The following DCC variants were observed in gnomAD, a reference collection of about 807,000 sequenced individuals.
The protein encoded by DCC is netrin receptor DCC.
A neutral mutation model predicts 172.5 loss-of-function variants in DCC; 58 were observed. The observed-to-expected ratio is 0.34, with a 90% CI of 0.27 to 0.42. The LOEUF (loss-of-function observed/expected upper bound fraction) is 0.42. DCC is among the 10% of genes least tolerant of loss of function. The pLI, the probability that DCC is intolerant of heterozygous loss-of-function variation, is 1.00. For missense variants in DCC, 1,740 were observed against 1,791.0 expected, an observed-to-expected ratio of 0.97 and a Z score of 0.51; for synonymous variants, 709 against 644.5, an observed-to-expected ratio of 1.10 and a Z score of -1.52.
intron 3 of DCC, among the ~76,000 whole-genome samples, chr18:52,920,287 G>GA (rs978582444): frequency 1.3e-5 from 2 of 151,590 alleles, no homozygotes; most frequent in East Asian, 1.9e-4. Context: ...CCCACAGATT[G>GA]AAAAAAAATT....
chr18:52,525,007 TG>T (rs999192811), intron 1 of DCC, among the ~76,000 whole-genome samples: 1 of 152,202 alleles, frequency 6.6e-6, no homozygotes, highest in African/African-American at 2.4e-5. Context: ...TCTGAGATTT[TG>T]CTTCTTATCT....
chr18:52,979,875 T>C (rs2041178567), intron 5 of DCC, among the ~76,000 whole-genome samples: 1 of 152,154 alleles, frequency 6.6e-6, no homozygotes, highest in Non-Finnish European at 1.5e-5. Flanking sequence ...AAGTGTACAC[T>C]TTCTCCACCT....
intron 2 of DCC, among the ~76,000 whole-genome samples, chr18:52,766,939 A>T (rs773775870): frequency 9.2e-5 from 14 of 152,152 alleles, no homozygotes; most frequent in Non-Finnish European, 1.6e-4. Flanking sequence ...TGAAAAACAG[A>T]AAATCAGGGT....
At chr18:52,710,933 A>T (rs2036282349) in intron 1 of DCC, among the ~76,000 whole-genome samples, 1 of 152,200 alleles carries the variant, frequency 6.6e-6, no homozygotes, top group African/African-American at 2.4e-5. Context: ...AGGAGACAGG[A>T]TGCTGACTGG....
chr18:52,679,735 T>C lies in DCC; in HGVS notation c.92-72319T>C, dbSNP rs556617260. ...ATTGCTGTAAAGAATCTATAAGTCTTTCTTGGTTATTACCACAAAATTGTG... is the reference window on the plus strand; with the variant it reads ...ATTGCTGTAAAGAATCTATAAGTCTCTCTTGGTTATTACCACAAAATTGTG... On this transcript the variant is annotated intron_variant, in intron 1 of 28. Transcript: ENST00000442544. 7.2e-5 allele frequency among the ~76,000 whole-genome samples: 11 copies of C among 152,224 alleles called. No individual in the cohort carries two copies. In the East Asian group the frequency reaches 1.9e-3, roughly 27 times the overall value.
intron 2 of DCC, among the ~76,000 whole-genome samples, chr18:52,765,680 A>G (rs1178971039): frequency 6.6e-6 from 1 of 152,164 alleles, no homozygotes; most frequent in Non-Finnish European, 1.5e-5. Context: ...GATCTCATAA[A>G]GACACAGACC....
At chr18:53,461,941 G>A (rs1015694920) in intron 24 of DCC, among the ~76,000 whole-genome samples, 1 of 152,182 alleles carries the variant, frequency 6.6e-6, no homozygotes, top group African/African-American at 2.4e-5. Flanking sequence ...TGGAACGGTG[G>A]GATTGAGAAG....
chr18:52,775,796 A>G (rs1472851171), intron 2 of DCC, among the ~76,000 whole-genome samples: 1 of 152,234 alleles, frequency 6.6e-6, no homozygotes, highest in African/African-American at 2.4e-5. Context: ...TTACAGGCCC[A>G]GGATGGGAAT....
intron 19 of DCC, among the ~76,000 whole-genome samples, chr18:53,408,550 C>A (rs1425456301): frequency 3.3e-5 from 5 of 152,118 alleles, no homozygotes; most frequent in African/African-American, 1.2e-4. Flanking sequence ...AATTGATATT[C>A]CATTGCATTT....
intron 3 of DCC, among the ~76,000 whole-genome samples, chr18:52,910,582 T>TG (rs2039958184): frequency 1.3e-5 from 2 of 152,148 alleles, no homozygotes; most frequent in South Asian, 4.1e-4. Context: ...ATGTGATGAA[T>TG]GGAAGCAGCC....
chr18:53,078,297 A>G (rs1232917501), intron 7 of DCC, among the ~76,000 whole-genome samples: 3 of 152,170 alleles, frequency 2.0e-5, no homozygotes, highest in African/African-American at 7.2e-5. Flanking sequence ...TCTCATAAGC[A>G]AGTAAGTAAA....
chr18:53,340,063 CACACACACACACAT>C lies in DCC; in HGVS notation c.2359+170_2359+183del, dbSNP rs2057639318. Reference sequence around the variant, plus strand: ...CTGTCTATCTACACACACACACACACACACACACACACATACACACACACACAGGCACACATATA... The same window carrying C: ...CTGTCTATCTACACACACACACACACACACACACACACAGGCACACATATA... On this transcript the variant is annotated intron_variant, in intron 15 of 28. Coordinates refer to ENST00000442544, the MANE Select transcript of DCC (RefSeq NM_005215.4). Among the ~76,000 whole-genome samples, 9 of 125,758 alleles carry C rather than the reference CACACACACACACAT, an allele frequency of 7.2e-5. No homozygotes were observed. The South Asian group carries it at 2.5e-3, about 36-fold the overall frequency. 82.5% of individuals were successfully genotyped at this position (125,758 alleles called of 152,430 possible). A position where few individuals can be genotyped will look rare whatever the true frequency, so the allele number is the denominator to read the frequency against.
At chr18:53,200,741 A>G (rs137936224) in intron 9 of DCC, among the ~76,000 whole-genome samples, 111 of 152,192 alleles carry the variant, frequency 7.3e-4, no homozygotes, top group East Asian at 4.3e-3. Context: ...CCAAGCCTCA[A>G]TGATTCTCAG....
chr18:52,459,375 G>A (rs547658247), intron 1 of DCC, among the ~76,000 whole-genome samples: 3 of 151,992 alleles, frequency 2.0e-5, no homozygotes, highest in East Asian at 3.9e-4. Flanking sequence ...AGTAGGTACC[G>A]GTGTCTGTTG....
At chr18:53,332,929 G>C (rs988649806) in intron 14 of DCC, among the ~76,000 whole-genome samples, 3 of 152,160 alleles carry the variant, frequency 2.0e-5, no homozygotes, top group African/African-American at 7.2e-5. Flanking sequence ...AATTAGCCAA[G>C]TGTGGTGGTG....
At chr18:53,235,666 A>G (rs1031443312) in intron 12 of DCC, among the ~76,000 whole-genome samples, 1 of 146,888 alleles carries the variant, frequency 6.8e-6, no homozygotes, top group Non-Finnish European at 1.5e-5. Flanking sequence ...TAAGTGTACA[A>G]TTCATTGACG....
chr18:52,855,893 G>C (rs1264759480), intron 2 of DCC, among the ~76,000 whole-genome samples: 1 of 149,532 alleles, frequency 6.7e-6, no homozygotes, highest in Non-Finnish European at 1.5e-5. Context: ...AGCTTCCTAA[G>C]TAGCTGGGAT....
rs116980170 is a variant in DCC at position 53,063,270 on chromosome 18, C to T, written c.986-35C>T. ...AGCAGCATGCAAGTTCACATCCCCACCCACTCACTCACTTTTTTTTTTCTG... is the reference window on the plus strand; with the variant it reads ...AGCAGCATGCAAGTTCACATCCCCATCCACTCACTCACTTTTTTTTTTCTG... On this transcript the variant is annotated intron_variant, in intron 5 of 28. Coordinates refer to ENST00000442544, the MANE Select transcript of DCC (RefSeq NM_005215.4). The T allele has an allele frequency of 5.8e-3, 9,402 of 1,610,186 alleles. 37 individuals are homozygous for T. Among genetic ancestry groups the T allele is most frequent in the Non-Finnish European group, 6.8e-3 (7,988 of 1,177,064 alleles).
At chr18:53,423,235 G>A (rs901364523) in intron 21 of DCC, among the ~76,000 whole-genome samples, 1 of 152,154 alleles carries the variant, frequency 6.6e-6, no homozygotes, top group Non-Finnish European at 1.5e-5. Flanking sequence ...TCTTGTAAGA[G>A]CCACTGTATT....
Sources: gnomAD v4.1 joint callset for allele counts (sites outside exome capture counted in the v4.1 genomes callset) on GRCh38, gnomAD v4.1.1 for gene constraint, MANE v1.5 for transcripts, NCBI Gene and HGNC (gene_info 2026-07-23, HGNC 2026-07-21) for gene names.